XKR9: variants seen among roughly 807,000 people sequenced by gnomAD.
XKR9 encodes XK related 9, also known as XK-related protein 9.
A neutral mutation model predicts 32.0 loss-of-function variants in XKR9; 32 were observed. That is an observed-to-expected ratio of 1.00 (90% CI 0.76 to 1.34). The LOEUF (loss-of-function observed/expected upper bound fraction) is 1.34, where lower values mean the gene tolerates loss of function less well. Ranked by LOEUF, XKR9 falls within the 40% of genes most tolerant of loss-of-function variation. The pLI is 0.00. For missense variants in XKR9, 546 were observed against 429.7 expected (o/e 1.27, Z -2.39); for synonymous variants, 168 against 143.4 (o/e 1.17, Z -1.22).
At chr8:70,800,474 G>A in the XKR9 span, among the ~76,000 whole-genome samples, 2 of 152,112 alleles carry the variant, frequency 1.3e-5, no homozygotes, top group East Asian at 1.9e-4. Context: ...GAATTTGGCT[G>A]TAAGTCCATC....
chr8:70,783,083 T>G (rs1437757307), intron 2 of XKR9, among the ~76,000 whole-genome samples: 1 of 152,210 alleles, frequency 6.6e-6, no homozygotes, highest in Admixed American at 6.5e-5. Flanking sequence ...GTCACATTCT[T>G]GCCAATACTT....
At chr8:70,995,826 A>G in the XKR9 span, among the ~76,000 whole-genome samples, 1 of 152,078 alleles carries the variant, frequency 6.6e-6, no homozygotes, top group African/African-American at 2.4e-5. Context: ...TTCTGTCGGA[A>G]ATTCTTTCAC....
At position 70,734,168 on chromosome 8, in the gene XKR9, G is replaced by T; in HGVS notation, c.866G>T (p.Cys289Phe). The part of the protein sequence containing the change: ...KGQNTKCPMS[C>F]YYIVRVLGTL... ...CAGAATACCAAGTGTCCAATGTCTT[G>T]TTATTATATTGTTAGGGTACTGGGC... The change falls in exon 5 of 5, where the codon TGT becomes TTT. Residue 289 changes from cysteine to phenylalanine, a missense_variant. Physicochemically the swap from Cys to Phe is radical, Grantham distance 205. Coordinates refer to ENST00000408926, the MANE Select transcript of XKR9 (RefSeq NM_001011720.2). 6.2e-7 allele frequency: 1 copy of T among 1,613,140 alleles called. No homozygotes were observed. The highest frequency in any genetic ancestry group is 2.2e-5 in the East Asian group (1 of 44,818).
chr8:70,783,661 C>T (rs1215468606), intron 2 of XKR9, among the ~76,000 whole-genome samples: 1 of 152,050 alleles, frequency 6.6e-6, no homozygotes, highest in Admixed American at 6.6e-5. Context: ...TGTATATTTT[C>T]TCTCACACTG....
At chr8:70,740,158 T>C (rs565314733), downstream of XKR9, among the ~76,000 whole-genome samples, 14 of 152,300 alleles carry the variant, frequency 9.2e-5, no homozygotes, top group African/African-American at 3.1e-4. Context: ...TTGGAGGCTT[T>C]GTTCGTTTCT....
At chr8:70,970,168 T>C in the XKR9 span, among the ~76,000 whole-genome samples, 4 of 152,250 alleles carry the variant, frequency 2.6e-5, no homozygotes, top group African/African-American at 4.8e-5. Context: ...GGTGGTACCA[T>C]ATTTTTGCAA....
At chr8:70,723,490 G>C (rs568624674) in intron 4 of XKR9, among the ~76,000 whole-genome samples, 36 of 152,238 alleles carry the variant, frequency 2.4e-4, no homozygotes, top group African/African-American at 8.4e-4. Flanking sequence ...TGTGGTTTTT[G>C]GTTGGGTGTC....
chr8:70,917,273 A>G, the XKR9 span, among the ~76,000 whole-genome samples: 1 of 152,222 alleles, frequency 6.6e-6, no homozygotes, highest in African/African-American at 2.4e-5. Context: ...TACCAAAAAT[A>G]GTTTTCCTCT....
At chr8:70,862,550 T>A in the XKR9 span, among the ~76,000 whole-genome samples, 2 of 122,196 alleles carry the variant, frequency 1.6e-5, no homozygotes, top group South Asian at 5.0e-4. Context: ...ATATTATACT[T>A]AACATCTGTT....
the XKR9 span, among the ~76,000 whole-genome samples, chr8:70,854,403 T>C: frequency 6.6e-6 from 1 of 152,204 alleles, no homozygotes; most frequent in Admixed American, 6.5e-5. Context: ...TTTGAGTTCA[T>C]TGTAGATTCT....
chr8:70,776,923 T>TTCTCTC (rs369388439), intron 2 of XKR9, among the ~76,000 whole-genome samples: 997 of 59,632 alleles, frequency 0.017, 36 homozygotes, highest in Middle Eastern at 0.021. Flanking sequence ...TTCTCTTTCT[T>TTCTCTC]TCTCTCTCTC....
At chr8:71,043,450 G>A in the XKR9 span, among the ~76,000 whole-genome samples, 113 of 152,304 alleles carry the variant, frequency 7.4e-4, no homozygotes, top group African/African-American at 2.5e-3. Context: ...CATCCACAAG[G>A]TAAAGCACAG....
the XKR9 span, among the ~76,000 whole-genome samples, chr8:71,034,041 G>T: frequency 6.6e-6 from 1 of 152,190 alleles, no homozygotes; most frequent in African/African-American, 2.4e-5. Flanking sequence ...TCTTGAATTT[G>T]AGTAGGCTTA....
the XKR9 span, among the ~76,000 whole-genome samples, chr8:70,815,805 G>A: frequency 1.3e-5 from 2 of 152,036 alleles, no homozygotes; most frequent in Non-Finnish European, 2.9e-5. Flanking sequence ...GATTACAGTC[G>A]TGAGCTACTG....
At chr8:70,967,468 C>G in the XKR9 span, among the ~76,000 whole-genome samples, 3 of 152,110 alleles carry the variant, frequency 2.0e-5, no homozygotes, top group African/African-American at 7.2e-5. Flanking sequence ...TGGATACGAT[C>G]CTGTCATGAT....
the XKR9 span, among the ~76,000 whole-genome samples, chr8:70,828,703 A>G: frequency 1.3e-5 from 2 of 148,542 alleles, no homozygotes; most frequent in African/African-American, 5.0e-5. Flanking sequence ...CCTGGGTGAC[A>G]GAGGAAGACT....
At chr8:70,812,070 G>A in the XKR9 span, among the ~76,000 whole-genome samples, 6 of 152,076 alleles carry the variant, frequency 3.9e-5, no homozygotes, top group Non-Finnish European at 8.8e-5. Context: ...GAATCCAGCA[G>A]CACATCAAAA....
intron 2 of XKR9, among the ~76,000 whole-genome samples, chr8:70,754,916 A>T (rs1185375588): frequency 1.3e-5 from 2 of 152,202 alleles, no homozygotes; most frequent in Admixed American, 1.3e-4. Context: ...GACAATTGGG[A>T]TCTAATTAAA....
At chr8:70,951,545 A>G in the XKR9 span, among the ~76,000 whole-genome samples, 1 of 152,250 alleles carries the variant, frequency 6.6e-6, no homozygotes, top group African/African-American at 2.4e-5. Context: ...TGTAAATAGC[A>G]AATCAGTTAT....
Sources: allele counts gnomAD v4.1 joint callset (sites outside exome capture counted in the v4.1 genomes callset), GRCh38; gene constraint gnomAD v4.1.1; transcripts MANE v1.5; gene names NCBI Gene and HGNC (gene_info 2026-07-23, HGNC 2026-07-21).